The following CCDC142 variants were observed in gnomAD, a reference collection of about 807,000 sequenced individuals.
The protein encoded by CCDC142 is coiled-coil domain-containing protein 142.
Under a neutral mutation model 83.8 loss-of-function variants are expected in CCDC142, and 67 were observed. The ratio of observed to expected loss-of-function variants is 0.80; its 90% CI spans 0.66 to 0.98. The LOEUF is 0.98. Among genes scored for constraint, CCDC142 ranks in the 50% least tolerant of loss-of-function variants. The pLI is 0.00. For synonymous variants in CCDC142, 421 were observed against 421.2 expected (o/e 1.00, Z 0.01); for missense variants, 905 against 946.8 (o/e 0.96, Z 0.58).
chr2:74,475,063 G>T lies in CCDC142; in HGVS notation c.1849C>A (p.Leu617Met). 1 of 1,613,638 alleles carries T rather than the reference G, an allele frequency of 6.2e-7. No individual in the cohort carries two copies. The highest frequency in any genetic ancestry group is 8.5e-7 in the Non-Finnish European group (1 of 1,179,732). Residue 617 changes from leucine (L) to methionine (M), a missense_variant, in exon 8 of 9, where the codon CTG becomes ATG. Leu to Met is a conservative substitution (Grantham distance 15). This residue lies in a region of CCDC142 where 265 missense variants were observed against 288.9 expected (regional missense o/e 0.92). Coordinates refer to ENST00000393965, the MANE Select transcript of CCDC142 (RefSeq NM_001365575.2). The stretch of plus-strand genomic sequence containing the variant: ...GACAGGCTCCACTGCTCCTCTTCCA[G>T]CAACTCCCTGACCACTCCAAAGTCT... Reference protein sequence around the residue: ...KQDFGVVRELLEEEQWSLSPD... With the variant: ...KQDFGVVRELMEEEQWSLSPD...
rs370481368 is a variant in CCDC142, at chr2:74,482,462, T to C, written c.376A>G (p.Ser126Gly). The change falls in exon 1 of 9, where the codon AGT (serine) becomes GGT (glycine). Residue 126 changes from serine to glycine, a missense_variant. Ser to Gly is a moderately conservative substitution (Grantham distance 56). Around this residue, in one of 3 missense-constraint regions of CCDC142, gnomAD observed 591 missense variants for 571.4 expected, o/e 1.03. Transcript: ENST00000393965. The surrounding 1 kb of genome is among the most constrained non-coding windows in gnomAD (Gnocchi z 5.0). ...GGGCCGCCGGATGGCGAGCCAGGACTCAGGGTCTTCATGAGTCGCACAGCC... is the reference window on the plus strand; with the variant it reads ...GGGCCGCCGGATGGCGAGCCAGGACCCAGGGTCTTCATGAGTCGCACAGCC... ...QSAVRLMKTL[S>G]PGSPSGGPSP... is the part of the protein sequence containing the mutation. 6 of 1,551,042 alleles carry C rather than the reference T, an allele frequency of 3.9e-6. No homozygotes were observed. The highest frequency in any genetic ancestry group is 5.2e-6 in the Non-Finnish European group (6 of 1,146,202).
chr2:74,474,898 C>A lies in CCDC142; in HGVS notation c.1996+18G>T. 1 of 1,582,832 alleles carries A rather than the reference C, an allele frequency of 6.3e-7. No homozygotes were observed. The highest frequency in any genetic ancestry group is 8.6e-7 in the Non-Finnish European group (1 of 1,163,060). Reference sequence around the variant, plus strand: ...GGTTTGGGACACACAAAGCAGTGAGCGAAGGGGAGTAACTCACAGCAACAG... The same window carrying A: ...GGTTTGGGACACACAAAGCAGTGAGAGAAGGGGAGTAACTCACAGCAACAG... On this transcript the variant is annotated intron_variant, in intron 8 of 8. Transcript: ENST00000393965.
At chr2:74,478,330 G>A (rs1672373292) in intron 5 of CCDC142, among the ~76,000 whole-genome samples, 1 of 150,802 alleles carries the variant, frequency 6.6e-6, no homozygotes, top group Non-Finnish European at 1.5e-5. Flanking sequence ...CCAAAGTGCT[G>A]GGATTACAGG....
rs757154292 is a variant in CCDC142, at chr2:74,482,634, C to T, written c.204G>A (p.Glu68=). 9.9e-6 allele frequency: 16 copies of T among 1,611,808 alleles called. No homozygotes were observed. The South Asian group carries it at 1.4e-4, about 14-fold the overall frequency. ...PTPADVSEDY[E]ADAAAWRRGP... is the part of the protein sequence containing the mutation. The stretch of plus-strand genomic sequence containing the variant: ...CCCGCCTCCAGGCCGCAGCATCAGC[C>T]TCGTAGTCCTCGCTCACATCCGCCG... Residue 68 remains glutamate (E), a synonymous_variant, in exon 1 of 9, where the codon GAG becomes GAA. Transcript: ENST00000393965. The surrounding 1 kb of genome is among the most constrained non-coding windows in gnomAD (Gnocchi z 5.0).
chr2:74,480,112 A>G (rs1324089620), intron 5 of CCDC142, among the ~76,000 whole-genome samples: 6 of 152,226 alleles, frequency 3.9e-5, no homozygotes, highest in Admixed American at 3.9e-4. Flanking sequence ...GAAATAATGA[A>G]TCGAGGCAAT....
intron 5 of CCDC142, among the ~76,000 whole-genome samples, chr2:74,480,259 C>T (rs1017310540): frequency 6.6e-6 from 1 of 152,254 alleles, no homozygotes; most frequent in Middle Eastern, 3.4e-3. Context: ...ATACACCTCT[C>T]TCTACATTTG....
rs1374144782 is a variant in CCDC142, at chr2:74,482,488, G to T, written c.350C>A (p.Ser117Ter). 2 of 1,555,508 alleles carry T rather than the reference G, an allele frequency of 1.3e-6. No individual in the cohort carries two copies. Among genetic ancestry groups the T allele is most frequent in the Non-Finnish European group, 1.7e-6 (2 of 1,148,694 alleles). Residue 117 changes from serine to a stop codon, truncating the protein, a stop_gained, in exon 1 of 9, where the codon TCG becomes TAG. Coordinates refer to ENST00000393965, the MANE Select transcript of CCDC142 (RefSeq NM_001365575.2). LOFTEE classifies it high-confidence loss of function. The surrounding 1 kb of genome is among the most constrained non-coding windows in gnomAD (Gnocchi z 5.0). ...CAGGGTCTTCATGAGTCGCACAGCCGACTGTAGGTGGTAGGCGCAGTCTCG... is the reference window on the plus strand; with the variant it reads ...CAGGGTCTTCATGAGTCGCACAGCCTACTGTAGGTGGTAGGCGCAGTCTCG... ...QARDCAYHLQSAVRLMKTLSP... is the reference protein window; with the variant it reads ...QARDCAYHLQ
At position 74,482,512 on chromosome 2, in the gene CCDC142, C is replaced by T. The variant is rs1330375989; in HGVS notation, c.326G>A (p.Arg109Gln). 4 of 1,570,176 alleles carry T rather than the reference C, an allele frequency of 2.5e-6. No homozygotes were observed. The highest frequency in any genetic ancestry group is 2.6e-6 in the Non-Finnish European group (3 of 1,157,430). Residue 109 changes from arginine (R) to glutamine (Q), a missense_variant, in exon 1 of 9, where the codon CGA (arginine) becomes CAA (glutamine). Coordinates refer to ENST00000393965, the MANE Select transcript of CCDC142 (RefSeq NM_001365575.2). The surrounding 1 kb of genome is among the most constrained non-coding windows in gnomAD (Gnocchi z 5.0). Reference sequence around the variant, plus strand: ...CGACTGTAGGTGGTAGGCGCAGTCTCGGGCCTGGAGGAGCTGCTCCCGCTC... The same window carrying T: ...CGACTGTAGGTGGTAGGCGCAGTCTTGGGCCTGGAGGAGCTGCTCCCGCTC... The part of the protein sequence containing the change: ...HREREQLLQA[R>Q]DCAYHLQSAV...
intron 8 of CCDC142, 53 bp downstream of exon 8, chr2:74,474,863 G>C (rs778178848): frequency 5.7e-6 from 9 of 1,578,262 alleles, no homozygotes; most frequent in African/African-American, 2.7e-5. Flanking sequence ...CAGATTAATG[G>C]TGAGAATAGG....
At chr2:74,478,131 G>C (rs1202730743) in intron 5 of CCDC142, among the ~76,000 whole-genome samples, 2 of 147,536 alleles carry the variant, frequency 1.4e-5, no homozygotes, top group Non-Finnish European at 3.0e-5. Flanking sequence ...GCACGCTCTC[G>C]ACTCACTGGA....
In CCDC142 at chr2:74,481,434, G is replaced by T; in HGVS notation, c.1108+18C>A. On this transcript the variant is annotated intron_variant, in intron 2 of 8. Coordinates refer to ENST00000393965, the MANE Select transcript of CCDC142 (RefSeq NM_001365575.2). The stretch of plus-strand genomic sequence containing the variant: ...TAACCTGGGACTTATGTCACCCCCA[G>T]TGCCCCTTCCTTCTCACCTTGGTCC... 1 of 1,614,046 alleles carries T rather than the reference G, an allele frequency of 6.2e-7. No individual in the cohort carries two copies. Among genetic ancestry groups the T allele is most frequent in the Non-Finnish European group, 8.5e-7 (1 of 1,179,964 alleles).
rs772662169 is a variant in CCDC142 at position 74,482,885 on chromosome 2, G to C, written c.-48C>G. Reference sequence around the variant, plus strand: ...CCTAACGATTCCCACTTCCCTGCACGGACCAACGCCCGCCGCAGCTCGGAC... The same window carrying C: ...CCTAACGATTCCCACTTCCCTGCACCGACCAACGCCCGCCGCAGCTCGGAC... On this transcript the variant is annotated 5_prime_UTR_variant, in exon 1 of 9. Coordinates refer to ENST00000393965, the MANE Select transcript of CCDC142 (RefSeq NM_001365575.2). This position sits in a 1 kb window ranked among gnomAD's most constrained non-coding sequence, Gnocchi z 5.0. 44 of 1,570,642 alleles carry C rather than the reference G, an allele frequency of 2.8e-5. No homozygotes were observed. Among genetic ancestry groups the C allele is most frequent in the Non-Finnish European group, 3.7e-5 (43 of 1,163,064 alleles).
intron 5 of CCDC142, among the ~76,000 whole-genome samples, chr2:74,476,044 AACACACACACACACACACACACACACAC>A (rs58719599): frequency 1.4e-4 from 14 of 97,650 alleles, no homozygotes; most frequent in African/African-American, 5.3e-4. Context: ...CCACCCCCGC[AACACACACACACACACACACACACACAC>A]ACACACACAC....
At position 74,482,070 on chromosome 2, in the gene CCDC142, T is replaced by A; in HGVS notation, c.768A>T (p.Gln256His). The A allele has an allele frequency of 6.2e-7, 1 of 1,613,548 alleles. No individual in the cohort carries two copies. The highest frequency in any genetic ancestry group is 2.2e-5 in the East Asian group (1 of 44,872). Residue 256 changes from glutamine (Q) to histidine (H), a missense_variant, in exon 1 of 9, where the codon CAA (glutamine) becomes CAT (histidine). Physicochemically the swap from Gln to His is conservative, Grantham distance 24 (BLOSUM62 0). This residue lies in a region of CCDC142 where 591 missense variants were observed against 571.4 expected (regional missense o/e 1.03). Transcript: ENST00000393965. This position sits in a 1 kb window ranked among gnomAD's most constrained non-coding sequence, Gnocchi z 5.0. ...QVASRLDEAL[Q>H]GSALRDQLRR... Reference sequence around the variant, plus strand: ...GGAGCTGGTCCCTCAACGCCGATCCTTGGAGCGCCTCGTCCAGCCGACTTG... The same window carrying A: ...GGAGCTGGTCCCTCAACGCCGATCCATGGAGCGCCTCGTCCAGCCGACTTG...
Position 74,482,896 on chromosome 2 carries a change from C to T in CCDC142, c.-59G>A. On this transcript the variant is annotated 5_prime_UTR_variant, in exon 1 of 9. Coordinates refer to ENST00000393965, the MANE Select transcript of CCDC142 (RefSeq NM_001365575.2). This position sits in a 1 kb window ranked among gnomAD's most constrained non-coding sequence, Gnocchi z 5.0. ...CCACTTCCCTGCACGGACCAACGCC[C>T]GCCGCAGCTCGGACTTCGCCCCATC... 1.3e-6 allele frequency: 2 copies of T among 1,567,026 alleles called. No individual in the cohort carries two copies. Among genetic ancestry groups the T allele is most frequent in the Non-Finnish European group, 1.7e-6 (2 of 1,159,830 alleles).
Position 74,474,636 on chromosome 2 carries a change from AT to A in CCDC142, c.2162del (p.Asn721IlefsTer73). 3.1e-6 allele frequency: 5 copies of A among 1,614,154 alleles called. No individual in the cohort carries two copies. The highest frequency in any genetic ancestry group is 4.2e-6 in the Non-Finnish European group (5 of 1,180,012). ...GCCTGAGGGCAAGCCAGGCCTGCTG[AT>A]TTCCCACCAGGTAGCCCTCCGGGCT... ...GPSPEGYLVG[N>X]QQAWLALRQH... On this transcript the variant is annotated frameshift_variant, in exon 9 of 9. Coordinates refer to ENST00000393965, the MANE Select transcript of CCDC142 (RefSeq NM_001365575.2). LOFTEE classifies it high-confidence loss of function.
At chr2:74,476,776 C>A (rs986356733) in intron 5 of CCDC142, among the ~76,000 whole-genome samples, 2 of 152,074 alleles carry the variant, frequency 1.3e-5, no homozygotes. Flanking sequence ...GGAGAGGAAC[C>A]CCAGTAAATG....
chr2:74,475,076 C>A lies in CCDC142; in HGVS notation c.1836G>T (p.Val612=), dbSNP rs980525850. 7 of 1,612,996 alleles carry A rather than the reference C, an allele frequency of 4.3e-6. No individual in the cohort carries two copies. The highest frequency in any genetic ancestry group is 1.6e-4 in the Middle Eastern group (1 of 6,082). The change falls in exon 8 of 9, where the codon GTG becomes GTT. Residue 612 remains valine, a synonymous_variant. Coordinates refer to ENST00000393965, the MANE Select transcript of CCDC142 (RefSeq NM_001365575.2). The part of the protein sequence containing the change: ...GALQLKQDFG[V]VRELLEEEQW... ...GCTCCTCTTCCAGCAACTCCCTGAC[C>A]ACTCCAAAGTCTTGTTTGAGCTGCA... is the stretch of plus-strand genomic sequence containing the variant.
chr2:74,477,517 C>T (rs1672350071), intron 5 of CCDC142, among the ~76,000 whole-genome samples: 2 of 152,144 alleles, frequency 1.3e-5, no homozygotes, highest in Non-Finnish European at 2.9e-5. Flanking sequence ...ACACCCAACC[C>T]CAGTGAACAT....
Sources: allele counts gnomAD v4.1 joint callset (sites outside exome capture counted in the v4.1 genomes callset), GRCh38; gene constraint gnomAD v4.1.1; regional missense constraint gnomAD v4.1.1; non-coding constraint Gnocchi (gnomAD v3.1); transcripts MANE v1.5; gene names NCBI Gene and HGNC (gene_info 2026-07-23, HGNC 2026-07-21).